The following BRI3 variants were observed in gnomAD, a reference collection of about 807,000 sequenced individuals.
The protein encoded by BRI3 is membrane protein BRI3.
BRI3 carries 6 observed loss-of-function variants against 12.8 expected under a neutral mutation model. The observed-to-expected ratio is 0.47, with a 90% confidence interval of 0.26 to 0.93. The LOEUF (loss-of-function observed/expected upper bound fraction) is 0.93. BRI3 is among the 40% of genes least tolerant of loss of function. The probability of loss-of-function intolerance (pLI) is 0.15; values close to 1 mark genes in which losing one functional copy is unlikely to be tolerated. For synonymous variants in BRI3, 91 were observed against 76.1 expected (o/e 1.20, Z -1.02); for missense variants, 134 against 171.1 (o/e 0.78, Z 1.21).
chr7:98,297,028 C>T (rs145217924), downstream of BRI3, among the ~76,000 whole-genome samples: 1 of 152,342 alleles, frequency 6.6e-6, no homozygotes, highest in Non-Finnish European at 1.5e-5. Context: ...CAGGGCCCCG[C>T]GGGCACTGCC....
At chr7:98,306,615 T>C in exon 1 of BRI3, 1 of 1,558,294 alleles carries the variant, frequency 6.4e-7, no homozygotes, top group Non-Finnish European at 8.8e-7. Context: ...ACAGGTCCAC[T>C]GCTCCAGAAA....
At chr7:98,312,496 A>G (rs1324340554), downstream of BRI3, among the ~76,000 whole-genome samples, 2 of 152,170 alleles carry the variant, frequency 1.3e-5, no homozygotes, top group African/African-American at 4.8e-5. Context: ...CCTCAGTGTG[A>G]ATACAGAGCA....
In BRI3 at chr7:98,282,397, C is replaced by T. The variant is rs150978867; in HGVS notation, c.189C>T (p.Thr63=). The T allele has an allele frequency of 3.1e-6, 5 of 1,614,116 alleles. No homozygotes were observed. Among genetic ancestry groups the T allele is most frequent in the Non-Finnish European group, 3.4e-6 (4 of 1,180,000 alleles). The part of the protein sequence containing the change: ...HPRVYNIHSR[T]VTRYPANSIV... ...GGGTCTACAACATCCACAGCCGGAC[C>T]GTCACCCGCTATCCTGCCAACTCTA... Residue 63 remains threonine (T), a synonymous_variant, in exon 2 of 3, where the codon ACC becomes ACT. Transcript: ENST00000297290.
At chr7:98,290,181 GTTTTTTT>G (rs1180326213) in intron 2 of BRI3, among the ~76,000 whole-genome samples, 143 of 102,538 alleles carry the variant, frequency 1.4e-3, no homozygotes, top group African/African-American at 4.7e-3. Context: ...TCTCAAGGTT[GTTTTTTT>G]TTTTTTTTTT....
At position 98,291,260 on chromosome 7, in the gene BRI3, G is replaced by C; in HGVS notation, c.*17G>C. The C allele has an allele frequency of 6.2e-7, 1 of 1,612,194 alleles. No individual in the cohort carries two copies. On this transcript the variant is annotated 3_prime_UTR_variant, in exon 3 of 3. Transcript: ENST00000297290. ...TTCGCTTAAAGGGAACACCAGGCCC[G>C]GCTTTCCTACACCCAGCTCTCTTTT...
At chr7:98,307,467 T>G in intron 1 of BRI3, 1 of 1,410,804 alleles carries the variant, frequency 7.1e-7, no homozygotes, top group South Asian at 1.5e-5. Context: ...GGTGACTTCA[T>G]ACGCTCTAAT....
At chr7:98,284,530 C>T (rs1045708644) in intron 2 of BRI3, among the ~76,000 whole-genome samples, 3 of 152,200 alleles carry the variant, frequency 2.0e-5, no homozygotes, top group African/African-American at 2.4e-5. Context: ...CACGTCTGGC[C>T]GCTGCCTGGC....
At chr7:98,293,680 C>T (rs1417335507), downstream of BRI3, 1 of 1,369,724 alleles carries the variant, frequency 7.3e-7, no homozygotes, top group African/African-American at 1.4e-5. Context: ...CCGTTCTTGC[C>T]CTGTGAGACT....
downstream of BRI3, chr7:98,293,083 C>A: frequency 1.7e-6 from 1 of 580,722 alleles, no homozygotes; most frequent in Non-Finnish European, 2.3e-6. Context: ...AAGATGCAAA[C>A]TTACGTGATA....
exon 2 of BRI3, chr7:98,310,368 A>G (rs1800821664): frequency 1.3e-6 from 2 of 1,487,558 alleles, no homozygotes; most frequent in Admixed American, 4.6e-5. Flanking sequence ...ATACATTTAT[A>G]CAAAATATTT....
the BRI3 span, among the ~76,000 whole-genome samples, chr7:98,317,035 T>C: frequency 6.6e-6 from 1 of 152,128 alleles, no homozygotes; most frequent in African/African-American, 2.4e-5. Flanking sequence ...CTAGTTTTTG[T>C]AGAGGCAAGG....
chr7:98,306,711 A>C (rs1470584390), intron 1 of BRI3: 7 of 828,478 alleles, frequency 8.4e-6, no homozygotes, highest in Non-Finnish European at 1.1e-5. Context: ...TATTGTTAAC[A>C]ATTTTTTTTT....
exon 2 of BRI3, chr7:98,307,944 A>G: frequency 1.3e-6 from 2 of 1,569,212 alleles, no homozygotes; most frequent in South Asian, 2.2e-5. Flanking sequence ...CATGAGAATC[A>G]ATAGGCACAT....
chr7:98,317,287 A>T, the BRI3 span: 9 of 1,613,936 alleles, frequency 5.6e-6, no homozygotes, highest in Admixed American at 1.7e-5. Context: ...ATCTTCTTCA[A>T]CTCAGCTTGG....
intron 2 of BRI3, among the ~76,000 whole-genome samples, chr7:98,284,608 C>G (rs1027521219): frequency 1.3e-5 from 2 of 152,356 alleles, no homozygotes; most frequent in South Asian, 4.1e-4. Context: ...TCCAGCCCGC[C>G]GGGCTCTGTC....
chr7:98,295,356 T>C (rs116267023), downstream of BRI3, among the ~76,000 whole-genome samples: 1,526 of 152,260 alleles, frequency 0.01, 30 homozygotes, highest in African/African-American at 0.035. Context: ...TTTTCATCAC[T>C]GGAGCACAAA....
chr7:98,302,514 C>A (rs1475445847), upstream of BRI3, among the ~76,000 whole-genome samples: 1 of 152,208 alleles, frequency 6.6e-6, no homozygotes, highest in Non-Finnish European at 1.5e-5. Flanking sequence ...AACAGTCAAA[C>A]AAGCAAAACA....
chr7:98,282,251 T>G, intron 1 of BRI3, 100 bp from the exon 2 acceptor site: 1 of 1,092,630 alleles, frequency 9.2e-7, no homozygotes, highest in Non-Finnish European at 1.3e-6. Flanking sequence ...GACCGGGGGC[T>G]TTTTTAGCGG....
intron 2 of BRI3, among the ~76,000 whole-genome samples, chr7:98,288,658 A>C (rs1250171314): frequency 6.6e-6 from 1 of 151,940 alleles, no homozygotes; most frequent in Non-Finnish European, 1.5e-5. Flanking sequence ...GTGCTGCAGG[A>C]CTTCTCAGAG....
Sources: allele counts gnomAD v4.1 joint callset (sites outside exome capture counted in the v4.1 genomes callset), GRCh38; gene constraint gnomAD v4.1.1; transcripts MANE v1.5; gene names NCBI Gene and HGNC (gene_info 2026-07-23, HGNC 2026-07-21).